Variants in TRMT9B observed in about 807,000 individuals in gnomAD.
TRMT9B encodes the protein tRNA methyltransferase 9B (putative).
A neutral mutation model predicts 11.5 loss-of-function variants in TRMT9B; 16 were observed. That is an observed-to-expected ratio of 1.39 (90% CI 0.94 to 2.11). TRMT9B has a LOEUF of 2.11. Among genes scored for constraint, TRMT9B ranks in the 30% most tolerant of loss-of-function variants. The probability of loss-of-function intolerance (pLI) is 0.00; values close to 1 mark genes in which losing one functional copy is unlikely to be tolerated. For synonymous variants in TRMT9B, 274 were observed against 192.4 expected (o/e 1.42, Z -3.51); for missense variants, 941 against 553.8 (o/e 1.70, Z -7.02).
Position 13,010,263 on chromosome 8 carries a change from T to G in TRMT9B, c.155-2421T>G, listed in dbSNP as rs937440917. The G allele has an allele frequency of 1.0e-5, 9 of 897,448 alleles. No individual in the cohort carries two copies. In the Admixed American group the frequency reaches 5.6e-4, roughly 56 times the overall value. 55.6% of individuals were successfully genotyped at this position (897,448 alleles called of 1,614,324 possible). ...TTGAATTTTGTACTATATACATTTT[T>G]TAAACTATTCAATAAATAGGGTCAT... On this transcript the variant is annotated intron_variant, in intron 3 of 4. Coordinates refer to ENST00000524591, the MANE Select transcript of TRMT9B (RefSeq NM_020844.3).
At chr8:12,973,099 G>T (rs1347484918) in intron 1 of TRMT9B, among the ~76,000 whole-genome samples, 1 of 152,188 alleles carries the variant, frequency 6.6e-6, no homozygotes, top group Non-Finnish European at 1.5e-5. Context: ...GTCCTTTCAT[G>T]TCTGGCTTAT....
chr8:12,953,602 C>A (rs77027759), intron 1 of TRMT9B, among the ~76,000 whole-genome samples: 144 of 152,290 alleles, frequency 9.5e-4, no homozygotes, highest in African/African-American at 3.4e-3. Context: ...ATCCACCCAC[C>A]TTGGAAGCCT....
intron 1 of TRMT9B, among the ~76,000 whole-genome samples, chr8:12,953,173 A>C (rs1800857413): frequency 6.6e-6 from 1 of 152,198 alleles, no homozygotes; most frequent in South Asian, 2.1e-4. Flanking sequence ...TTAAATGTAC[A>C]TTGAAAATTT....
intron 4 of TRMT9B, among the ~76,000 whole-genome samples, chr8:13,017,935 T>C (rs1813048962): frequency 1.3e-5 from 2 of 151,944 alleles, no homozygotes; most frequent in African/African-American, 2.4e-5. Context: ...GCTATTTTTT[T>C]CTTAAGAACA....
chr8:12,950,163 TTTTTTATATCTAAA>T (rs1238467782), intron 1 of TRMT9B, among the ~76,000 whole-genome samples: 1 of 152,200 alleles, frequency 6.6e-6, no homozygotes, highest in Non-Finnish European at 1.5e-5. Flanking sequence ...CCTTAGCCAA[TTTTTTATATCTAAA>T]TCAGACATTG....
chr8:12,961,302 G>T (rs1802070238), intron 1 of TRMT9B, among the ~76,000 whole-genome samples: 2 of 152,146 alleles, frequency 1.3e-5, no homozygotes, highest in East Asian at 1.9e-4. Context: ...TGGTTCATCA[G>T]TTGTAACCCA....
intron 1 of TRMT9B, among the ~76,000 whole-genome samples, chr8:12,966,662 T>C (rs1473258287): frequency 2.0e-5 from 3 of 152,218 alleles, no homozygotes; most frequent in African/African-American, 7.2e-5. Context: ...CTGGGACTTC[T>C]TTGATTAATA....
intron 3 of TRMT9B, chr8:13,006,626 C>G (rs1163380508): frequency 2.2e-6 from 3 of 1,372,472 alleles, no homozygotes; most frequent in Admixed American, 6.1e-5. Context: ...AAACTCGAGA[C>G]AGTCAAGTCA....
At chr8:12,961,230 C>G (rs1420614304) in intron 1 of TRMT9B, among the ~76,000 whole-genome samples, 3 of 152,178 alleles carry the variant, frequency 2.0e-5, no homozygotes, top group East Asian at 3.9e-4. Flanking sequence ...AAAGAACTGT[C>G]TAATACAAAG....
At chr8:12,974,809 C>G (rs1804185174) in intron 1 of TRMT9B, among the ~76,000 whole-genome samples, 2 of 152,102 alleles carry the variant, frequency 1.3e-5, no homozygotes, top group Non-Finnish European at 2.9e-5. Context: ...AAGTAGCTCA[C>G]TTGGTTACAC....
chr8:13,003,117 C>T (rs1809773152), intron 2 of TRMT9B, among the ~76,000 whole-genome samples: 1 of 152,140 alleles, frequency 6.6e-6, no homozygotes, highest in South Asian at 2.1e-4. Context: ...CCAGAGTCTT[C>T]CAGCAGACTC....
chr8:12,962,754 G>A (rs117354088), intron 1 of TRMT9B, among the ~76,000 whole-genome samples: 8,439 of 152,258 alleles, frequency 0.055, 284 homozygotes, highest in South Asian at 0.1. Context: ...CCCTCCCAAA[G>A]TACTGAGATT....
rs752584349 is a variant in TRMT9B, at chr8:13,021,937, C to T, written c.1258C>T (p.Leu420Phe). 1 of 1,613,738 alleles carries T rather than the reference C, an allele frequency of 6.2e-7. No homozygotes were observed. The highest frequency in any genetic ancestry group is 8.5e-7 in the Non-Finnish European group (1 of 1,179,864). Reference protein sequence around the residue: ...RYYHVFREGELCSLLKENVSE... With the variant: ...RYYHVFREGEFCSLLKENVSE... ...CTACCATGTGTTTCGAGAAGGGGAGCTCTGCAGTCTGCTCAAGGAGAATGT... is the reference window on the plus strand; with the variant it reads ...CTACCATGTGTTTCGAGAAGGGGAGTTCTGCAGTCTGCTCAAGGAGAATGT... Residue 420 changes from leucine (L) to phenylalanine (F), a missense_variant, in exon 5 of 5, where the codon CTC becomes TTC. Transcript: ENST00000524591.
intron 3 of TRMT9B, chr8:13,012,017 A>T (rs1811696379): frequency 3.0e-6 from 3 of 985,288 alleles, no homozygotes; most frequent in Non-Finnish European, 3.6e-6. Flanking sequence ...TACAAAATGA[A>T]ATATGAATGT....
At chr8:12,953,214 A>T (rs866069132) in intron 1 of TRMT9B, among the ~76,000 whole-genome samples, 11 of 122,324 alleles carry the variant, frequency 9.0e-5, no homozygotes, top group African/African-American at 2.9e-4. Flanking sequence ...ATATATCTAT[A>T]TTGTTTTCAG....
intron 2 of TRMT9B, among the ~76,000 whole-genome samples, chr8:12,997,240 G>C (rs1585271914): frequency 6.6e-6 from 1 of 151,988 alleles, no homozygotes; most frequent in South Asian, 2.1e-4. Flanking sequence ...GGAATGGCTT[G>C]GCATCCTCCT....
chr8:13,020,841 C>T (rs1038938125), intron 4 of TRMT9B, among the ~76,000 whole-genome samples, 167 bp from the exon 5 acceptor site: 1 of 152,254 alleles, frequency 6.6e-6, no homozygotes, highest in African/African-American at 2.4e-5. Flanking sequence ...TATGTTTCTC[C>T]TAAAATCAGT....
At chr8:13,006,736 T>A in intron 3 of TRMT9B, 2 of 1,008,456 alleles carry the variant, frequency 2.0e-6, no homozygotes, top group South Asian at 4.2e-5. Context: ...TGGTGCAATC[T>A]CAGCTTGCTG....
At chr8:12,988,223 T>G (rs999358603) in intron 1 of TRMT9B, among the ~76,000 whole-genome samples, 2 of 152,164 alleles carry the variant, frequency 1.3e-5, no homozygotes, top group African/African-American at 4.8e-5. Context: ...TCACTCCCCC[T>G]TCCCACTCCA....
Sources: gnomAD v4.1 joint callset for allele counts (sites outside exome capture counted in the v4.1 genomes callset) on GRCh38, gnomAD v4.1.1 for gene constraint, MANE v1.5 for transcripts, NCBI Gene and HGNC (gene_info 2026-07-23, HGNC 2026-07-21) for gene names.